The following RAB5A variants were observed in gnomAD, a reference collection of about 807,000 sequenced individuals.
RAB5A encodes the protein ras-related protein Rab-5A.
RAB5A carries 8 observed loss-of-function variants against 25.7 expected under a neutral mutation model. That is an observed-to-expected ratio of 0.31 (90% confidence interval 0.18 to 0.56). The LOEUF (loss-of-function observed/expected upper bound fraction) is 0.56, where lower values mean the gene tolerates loss of function less well. Ranked by LOEUF, RAB5A falls within the 20% of genes least tolerant of loss-of-function variation. RAB5A has a pLI of 0.91. For synonymous variants in RAB5A, 98 were observed against 89.8 expected (o/e 1.09, Z -0.52); for missense variants, 192 against 259.7 (o/e 0.74, Z 1.79).
chr3:19,966,194 T>G (rs1475274701), intron 2 of RAB5A, among the ~76,000 whole-genome samples: 2 of 152,214 alleles, frequency 1.3e-5, no homozygotes, highest in Non-Finnish European at 2.9e-5. Flanking sequence ...AAACAATAAC[T>G]ACCCCTTCTT....
At chr3:19,976,279 T>C (rs1696823876) in intron 4 of RAB5A, 110 bp downstream of exon 4, 1 of 1,221,670 alleles carries the variant, frequency 8.2e-7, no homozygotes. Context: ...TAATAGAAAA[T>C]ACTGATTTTT....
In RAB5A at chr3:19,947,372, A is replaced by C; in HGVS notation, c.-243A>C. 1 of 173,934 alleles carries C rather than the reference A, an allele frequency of 5.7e-6. No individual in the cohort carries two copies. The highest frequency in any genetic ancestry group is 1.2e-5 in the Non-Finnish European group (1 of 84,618). 10.8% of individuals were successfully genotyped at this position (173,934 alleles called of 1,614,324 possible). On this transcript the variant is annotated 5_prime_UTR_variant, in exon 1 of 6. Coordinates refer to ENST00000273047, the MANE Select transcript of RAB5A (RefSeq NM_004162.5). ...GGCGGCACCACGGCACGAGCCCCGCACAGTCCAGTGTGAGGGGAGCGGCGC... is the reference window on the plus strand; with the variant it reads ...GGCGGCACCACGGCACGAGCCCCGCCCAGTCCAGTGTGAGGGGAGCGGCGC...
intron 2 of RAB5A, among the ~76,000 whole-genome samples, chr3:19,951,521 A>C (rs1377591952): frequency 6.6e-6 from 1 of 152,114 alleles, no homozygotes; most frequent in Non-Finnish European, 1.5e-5. Flanking sequence ...AAATACTGCT[A>C]GATGTACTTT....
intron 1 of RAB5A, among the ~76,000 whole-genome samples, chr3:19,949,408 A>G (rs1209581069): frequency 6.6e-6 from 1 of 152,178 alleles, no homozygotes; most frequent in African/African-American, 2.4e-5. Context: ...ATATAGAGAC[A>G]GGGTCTCACT....
intron 5 of RAB5A, 192 bp downstream of exon 5, chr3:19,978,595 A>T: frequency 2.0e-6 from 1 of 501,246 alleles, no homozygotes; most frequent in Non-Finnish European, 3.6e-6. Context: ...TTTGTTGGTA[A>T]TATTGTTAAA....
intron 2 of RAB5A, among the ~76,000 whole-genome samples, chr3:19,965,254 A>G (rs552717073): frequency 1.3e-5 from 2 of 152,096 alleles, no homozygotes; most frequent in East Asian, 1.9e-4. Flanking sequence ...GTGCATCAGT[A>G]TGTTAGAAAT....
At chr3:19,948,685 T>TCTCAATTTAA (rs1348779609) in intron 1 of RAB5A, among the ~76,000 whole-genome samples, 5 of 152,016 alleles carry the variant, frequency 3.3e-5, no homozygotes, top group African/African-American at 1.2e-4. Flanking sequence ...TTAGGGGGAG[T>TCTCAATTTAA]AGCCACAATT....
At chr3:19,960,398 C>T (rs567056698) in intron 2 of RAB5A, among the ~76,000 whole-genome samples, 12 of 152,248 alleles carry the variant, frequency 7.9e-5, no homozygotes, top group African/African-American at 2.9e-4. Flanking sequence ...CTTCTGGGCT[C>T]CAGCCATCTT....
At chr3:19,972,167 A>G (rs937068326) in intron 2 of RAB5A, among the ~76,000 whole-genome samples, 1 of 152,156 alleles carries the variant, frequency 6.6e-6, no homozygotes, top group African/African-American at 2.4e-5. Flanking sequence ...TTAATGCACA[A>G]AATTATTTTA....
At chr3:19,982,908 A>AT (rs943560460) in intron 5 of RAB5A, among the ~76,000 whole-genome samples, 2 of 152,186 alleles carry the variant, frequency 1.3e-5, no homozygotes, top group African/African-American at 4.8e-5. Context: ...TGGGGTGATG[A>AT]TTGCAAAGGT....
At chr3:19,957,115 G>A (rs1169595021) in intron 2 of RAB5A, among the ~76,000 whole-genome samples, 1 of 144,686 alleles carries the variant, frequency 6.9e-6, no homozygotes, top group Non-Finnish European at 1.5e-5. Flanking sequence ...TTTTTGTAGG[G>A]ACAGATCTCA....
rs1696982564 is a variant in RAB5A at position 19,983,948 on chromosome 3, TAATACAG to T, written c.*129_*135del. The T allele has an allele frequency of 1.5e-5, 10 of 659,376 alleles. No homozygotes were observed. The South Asian group carries it at 2.0e-4, about 13-fold the overall frequency. 40.8% of individuals were successfully genotyped at this position (659,376 alleles called of 1,614,324 possible). On this transcript the variant is annotated 3_prime_UTR_variant, in exon 6 of 6. Transcript: ENST00000273047. ...GAGACTTATGATAGAGTCAAGTTTC[TAATACAG>T]AATTATTTTAAGTGTTTTGAACTTA...
At chr3:19,973,673 A>G (rs1045992715) in intron 2 of RAB5A, among the ~76,000 whole-genome samples, 5 of 152,214 alleles carry the variant, frequency 3.3e-5, no homozygotes, top group African/African-American at 1.2e-4. Context: ...GAATATATTT[A>G]CAATGTGATT....
chr3:19,983,833 T>C lies in RAB5A; in HGVS notation c.*10T>C. 1 of 1,534,538 alleles carries C rather than the reference T, an allele frequency of 6.5e-7. No homozygotes were observed. The highest frequency in any genetic ancestry group is 9.0e-7 in the Non-Finnish European group (1 of 1,110,864). ...GTGTTGTAGTAACTAAACCTCTAGT[T>C]TGAACTAGCTGGAATAGTCTTCTGC... On this transcript the variant is annotated 3_prime_UTR_variant, in exon 6 of 6. Coordinates refer to ENST00000273047, the MANE Select transcript of RAB5A (RefSeq NM_004162.5).
intron 2 of RAB5A, among the ~76,000 whole-genome samples, chr3:19,971,508 G>A (rs1379368462): frequency 6.6e-6 from 1 of 152,060 alleles, no homozygotes; most frequent in Non-Finnish European, 1.5e-5. Flanking sequence ...TTACACTCTT[G>A]TTGCCCAGGC....
intron 2 of RAB5A, among the ~76,000 whole-genome samples, chr3:19,954,422 CAT>C (rs759009024): frequency 3.3e-5 from 5 of 152,144 alleles, no homozygotes; most frequent in Non-Finnish European, 7.3e-5. Flanking sequence ...AGGTGGATAT[CAT>C]ATGTTACACT....
chr3:19,948,912 A>G (rs2125176542), intron 1 of RAB5A, among the ~76,000 whole-genome samples: 1 of 152,336 alleles, frequency 6.6e-6, no homozygotes, highest in East Asian at 1.9e-4. Flanking sequence ...GTGCATTTTC[A>G]GTATATATGA....
At chr3:19,963,446 A>G (rs1696620056) in intron 2 of RAB5A, among the ~76,000 whole-genome samples, 1 of 143,176 alleles carries the variant, frequency 7.0e-6, no homozygotes, top group Non-Finnish European at 1.5e-5. Context: ...TCCTAATAAA[A>G]TTGTTTTGTA....
intron 4 of RAB5A, among the ~76,000 whole-genome samples, chr3:19,977,276 G>A (rs1000838375): frequency 3.3e-5 from 5 of 152,084 alleles, no homozygotes; most frequent in Non-Finnish European, 7.4e-5. Context: ...GGGTTTCACT[G>A]TGTTAGCCAG....
Sources: allele counts gnomAD v4.1 joint callset (sites outside exome capture counted in the v4.1 genomes callset), GRCh38; gene constraint gnomAD v4.1.1; transcripts MANE v1.5; gene names NCBI Gene and HGNC (gene_info 2026-07-23, HGNC 2026-07-21).